RARRES1: variants seen among roughly 807,000 people sequenced by gnomAD.
The protein encoded by RARRES1 is retinoic acid receptor responder 1.
In RARRES1, 34 loss-of-function variants were observed where a neutral mutation model predicts 30.6. The ratio of observed to expected loss-of-function variants is 1.11; its 90% CI spans 0.84 to 1.48. RARRES1 has a LOEUF of 1.48. RARRES1 is among the 40% of genes most tolerant of loss of function. The pLI, the probability that RARRES1 is intolerant of heterozygous loss-of-function variation, is 0.00. For synonymous variants in RARRES1, 153 were observed against 155.5 expected, an observed-to-expected ratio of 0.98 and a Z score of 0.12; for missense variants, 373 against 386.5, an observed-to-expected ratio of 0.97 and a Z score of 0.29.
At chr3:158,731,294 C>G (rs982551564) in intron 1 of RARRES1, among the ~76,000 whole-genome samples, 2 of 152,194 alleles carry the variant, frequency 1.3e-5, no homozygotes, top group Admixed American at 6.5e-5. Context: ...TACTCAATTC[C>G]AGATTCTTTG....
At position 158,697,959 on chromosome 3, in the gene RARRES1, A is replaced by T. The variant is rs1726600955; in HGVS notation, c.684T>A (p.Asp228Glu). The T allele has an allele frequency of 8.5e-6, 13 of 1,526,092 alleles. No homozygotes were observed. The East Asian group carries it at 2.9e-4, about 34-fold the overall frequency. 94.5% of individuals were successfully genotyped at this position (1,526,092 alleles called of 1,614,324 possible). ...LTSVRQWKTN[D>E]DTIDFDYTVL... ...CAGTATAATCAAAATCAATTGTATCATCATTAGTTTTCTAGAGGGAGAAAA... is the reference window on the plus strand; with the variant it reads ...CAGTATAATCAAAATCAATTGTATCTTCATTAGTTTTCTAGAGGGAGAAAA... Residue 228 changes from aspartate (D) to glutamate (E), a missense_variant, in exon 5 of 6, where the codon GAT becomes GAA. Physicochemically the swap from Asp to Glu is conservative, Grantham distance 45 (BLOSUM62 2). Coordinates refer to ENST00000237696, the MANE Select transcript of RARRES1 (RefSeq NM_206963.2).
Position 158,699,212 on chromosome 3 carries a change from G to A in RARRES1, c.673-1242C>T, listed in dbSNP as rs553135912. Among the ~76,000 whole-genome samples the A allele has an allele frequency of 2.6e-5, 4 of 152,156 alleles. No homozygotes were observed. The South Asian group carries it at 6.2e-4, about 24-fold the overall frequency. On this transcript the variant is annotated intron_variant, in intron 4 of 5. Transcript: ENST00000237696. ...CTCTTCTGCATGCCATTTATGCCAA[G>A]TCCCCCTGTAAAAGCCCTTGTTTTT...
chr3:158,700,177 C>T (rs756865504), intron 4 of RARRES1, among the ~76,000 whole-genome samples: 9 of 150,224 alleles, frequency 6.0e-5, no homozygotes, highest in Non-Finnish European at 1.0e-4. Context: ...GAGACCACCT[C>T]GTCTTTATTT....
Position 158,696,946 on chromosome 3 carries a change from G to T in RARRES1, c.*732C>A, listed in dbSNP as rs936929811. The stretch of plus-strand genomic sequence containing the variant: ...TTAATATACTTTCAGTTACATCAGT[G>T]TTTCTTTTGATGCATGTTTGCAGAC... On this transcript the variant is annotated 3_prime_UTR_variant, in exon 6 of 6. Coordinates refer to ENST00000237696, the MANE Select transcript of RARRES1 (RefSeq NM_206963.2). 1.4e-4 allele frequency: 21 copies of T among 152,270 alleles called. No homozygotes were observed. The highest frequency in any genetic ancestry group is 5.1e-4 in the African/African-American group (21 of 41,548). 9.4% of individuals were successfully genotyped at this position (152,270 alleles called of 1,614,324 possible). A position where few individuals can be genotyped will look rare whatever the true frequency, so the allele number is the denominator to read the frequency against.
At position 158,697,655 on chromosome 3, in the gene RARRES1, C is replaced by T. The variant is rs752315093; in HGVS notation, c.*23G>A. 16 of 1,586,504 alleles carry T rather than the reference C, an allele frequency of 1.0e-5. No individual in the cohort carries two copies. The highest frequency in any genetic ancestry group is 1.7e-4 in the Middle Eastern group (1 of 5,806). On this transcript the variant is annotated 3_prime_UTR_variant, in exon 6 of 6. Transcript: ENST00000237696. The stretch of plus-strand genomic sequence containing the variant: ...CTAGTATAGTCACTTGTTTAGAAGT[C>T]GGAAAAAGATCATTTTTTCTTTTTA...
At position 158,696,998 on chromosome 3, in the gene RARRES1, T is replaced by C. The variant is rs1343322715; in HGVS notation, c.*680A>G. 2.0e-5 allele frequency: 3 copies of C among 152,266 alleles called. No homozygotes were observed. The highest frequency in any genetic ancestry group is 2.0e-4 in the Admixed American group (3 of 15,286). The allele number at this position is 152,266 out of a possible 1,614,324, so 9.4% of individuals were successfully genotyped here. On this transcript the variant is annotated 3_prime_UTR_variant, in exon 6 of 6. Transcript: ENST00000237696. ...GCTTTATCTGGTGAGACAGACGTTC[T>C]ATTATTTGTAAAATTTAAGTTAAGC...
chr3:158,704,686 A>G, intron 4 of RARRES1, 105 bp downstream of exon 4: 11 of 1,453,792 alleles, frequency 7.6e-6, no homozygotes, highest in East Asian at 2.3e-5. Context: ...AATAAATGTG[A>G]TTACAACTCT....
intron 1 of RARRES1, among the ~76,000 whole-genome samples, chr3:158,727,800 G>A (rs1727738735): frequency 6.6e-6 from 1 of 152,202 alleles, no homozygotes; most frequent in Non-Finnish European, 1.5e-5. Flanking sequence ...TGGGGGCAGT[G>A]AGGGAACACA....
At chr3:158,713,767 T>C in intron 2 of RARRES1, 30 bp downstream of exon 2, 2 of 1,591,622 alleles carry the variant, frequency 1.3e-6, no homozygotes, top group Non-Finnish European at 1.7e-6. Flanking sequence ...CAGTTGCTAA[T>C]AGGATACTTT....
At chr3:158,727,712 T>C (rs969671267) in intron 1 of RARRES1, among the ~76,000 whole-genome samples, 1 of 152,178 alleles carries the variant, frequency 6.6e-6, no homozygotes. Context: ...CCTGAGCCTA[T>C]GCCATGTAAT....
chr3:158,725,355 C>T (rs1222228393), intron 1 of RARRES1, among the ~76,000 whole-genome samples: 1 of 152,188 alleles, frequency 6.6e-6, no homozygotes, highest in Non-Finnish European at 1.5e-5. Context: ...GATCAAGTTT[C>T]AGGTTGGATT....
At position 158,731,553 on chromosome 3, in the gene RARRES1, T is replaced by G. The variant is rs542751370; in HGVS notation, c.276+587A>C. ...GGGCTCGGATTCACTCACTTCTAAT[T>G]AGATCAAATCAGACGCCAGCATTAG... On this transcript the variant is annotated intron_variant, in intron 1 of 5. Coordinates refer to ENST00000237696, the MANE Select transcript of RARRES1 (RefSeq NM_206963.2). 2.6e-5 allele frequency among the ~76,000 whole-genome samples: 4 copies of G among 152,330 alleles called. No homozygotes were observed. The South Asian group carries it at 8.3e-4, about 32-fold the overall frequency.
intron 4 of RARRES1, among the ~76,000 whole-genome samples, chr3:158,698,367 T>C (rs1186228858): frequency 6.6e-6 from 1 of 152,236 alleles, no homozygotes; most frequent in Non-Finnish European, 1.5e-5. Context: ...CTGGGTTCTG[T>C]GCTAGGCACC....
rs1374296973 is a variant in RARRES1 at position 158,723,600 on chromosome 3, G to C, written c.276+8540C>G. Among the ~76,000 whole-genome samples the C allele has an allele frequency of 2.0e-5, 3 of 152,240 alleles. No individual in the cohort carries two copies. The highest frequency in any genetic ancestry group is 7.2e-5 in the African/African-American group (3 of 41,458). ...TGCGTGCGAATGCTTTGCTTTCTCA[G>C]GCTAAGTAGCAATGGAGAGGAAAGC... On this transcript the variant is annotated intron_variant, in intron 1 of 5. Transcript: ENST00000237696. The surrounding 1 kb of genome is among the most constrained non-coding windows in gnomAD (Gnocchi z 4.4).
At chr3:158,722,932 C>T (rs916337546) in intron 1 of RARRES1, among the ~76,000 whole-genome samples, 1 of 151,230 alleles carries the variant, frequency 6.6e-6, no homozygotes, top group African/African-American at 2.4e-5. Context: ...CTCAAAACAC[C>T]ACAAAAACGT....
chr3:158,699,596 C>A (rs1057394181), intron 4 of RARRES1, among the ~76,000 whole-genome samples: 2 of 151,728 alleles, frequency 1.3e-5, no homozygotes, highest in African/African-American at 4.8e-5. Flanking sequence ...CTGAAGACTG[C>A]CATGATTTCC....
At chr3:158,714,800 T>C (rs1727269856) in intron 1 of RARRES1, among the ~76,000 whole-genome samples, 1 of 152,240 alleles carries the variant, frequency 6.6e-6, no homozygotes, top group African/African-American at 2.4e-5. Flanking sequence ...AGAGCTGAAG[T>C]TATTTCACAT....
chr3:158,713,806 G>T lies in RARRES1; in HGVS notation c.330C>A (p.Tyr110Ter), dbSNP rs769109488. ...AATTGTGGCAGCTTACCTCTGGGTTGTAGCGCTCTGTGCTGAAGACCACGT... is the reference window on the plus strand; with the variant it reads ...AATTGTGGCAGCTTACCTCTGGGTTTTAGCGCTCTGTGCTGAAGACCACGT... ...KVHVVFSTER[Y>*]NPESLLQEGE... is the part of the protein sequence containing the mutation. The change falls in exon 2 of 6, where the codon TAC becomes TAA. Residue 110 changes from tyrosine (Y) to a stop codon, truncating the protein, a stop_gained. Transcript: ENST00000237696. LOFTEE classifies it high-confidence loss of function. The T allele has an allele frequency of 6.2e-7, 1 of 1,613,830 alleles. No individual in the cohort carries two copies. The highest frequency in any genetic ancestry group is 8.5e-7 in the Non-Finnish European group (1 of 1,179,810).
At chr3:158,731,784 C>T (rs1727896035) in intron 1 of RARRES1, among the ~76,000 whole-genome samples, 1 of 152,252 alleles carries the variant, frequency 6.6e-6, no homozygotes, top group African/African-American at 2.4e-5. Flanking sequence ...ACTCTGGGTA[C>T]CTCCGGACAA....
Sources: gnomAD v4.1 joint callset for allele counts (sites outside exome capture counted in the v4.1 genomes callset) on GRCh38, gnomAD v4.1.1 for gene constraint, Gnocchi (gnomAD v3.1) non-coding constraint, MANE v1.5 for transcripts, NCBI Gene and HGNC (gene_info 2026-07-23, HGNC 2026-07-21) for gene names.